Variants in TRABD2B observed in about 807,000 individuals in gnomAD.
The protein encoded by TRABD2B is metalloprotease TIKI2.
In TRABD2B, 14 loss-of-function variants were observed where a neutral mutation model predicts 40.1. That is an observed-to-expected ratio of 0.35 (90% CI 0.23 to 0.55). The LOEUF (loss-of-function observed/expected upper bound fraction) is 0.55, where lower values mean the gene tolerates loss of function less well. Ranked by LOEUF, TRABD2B falls within the 20% of genes least tolerant of loss-of-function variation. The pLI, the probability that TRABD2B is intolerant of heterozygous loss-of-function variation, is 0.90. For synonymous variants in TRABD2B, 263 were observed against 277.0 expected (o/e 0.95, Z 0.50); for missense variants, 541 against 648.6 (o/e 0.83, Z 1.80).
chr1:47,973,882 T>C (rs1247139247), intron 2 of TRABD2B, among the ~76,000 whole-genome samples: 1 of 152,156 alleles, frequency 6.6e-6, no homozygotes, highest in Non-Finnish European at 1.5e-5. Flanking sequence ...GGTGGGCCAA[T>C]AGCTTGAGCT....
At chr1:47,808,883 A>G (rs1934654) in intron 2 of TRABD2B, among the ~76,000 whole-genome samples, 110,074 of 152,024 alleles carry the variant, frequency 0.72, 40,423 homozygotes, top group East Asian at 0.98. Flanking sequence ...CCCAGGTTCT[A>G]AGCTGTCAGC....
At chr1:47,880,397 CT>C (rs537387768) in intron 2 of TRABD2B, among the ~76,000 whole-genome samples, 63 of 152,242 alleles carry the variant, frequency 4.1e-4, no homozygotes, top group African/African-American at 1.5e-3. Flanking sequence ...CAGTCAATTC[CT>C]TTTGGGTGAA....
At chr1:47,777,097 TG>T (rs1446090902) in intron 5 of TRABD2B, among the ~76,000 whole-genome samples, 1 of 152,142 alleles carries the variant, frequency 6.6e-6, no homozygotes, top group African/African-American at 2.4e-5. Context: ...CCCTAATGCC[TG>T]GGCTCTGAGA....
At chr1:47,916,649 C>T (rs1160596630) in intron 2 of TRABD2B, among the ~76,000 whole-genome samples, 1 of 152,210 alleles carries the variant, frequency 6.6e-6, no homozygotes, top group Non-Finnish European at 1.5e-5. Flanking sequence ...GGCTGAATGA[C>T]AAGAAAATCC....
chr1:47,841,169 C>T lies in TRABD2B; in HGVS notation c.667-39550G>A, dbSNP rs958435026. On this transcript the variant is annotated intron_variant, in intron 2 of 6. Transcript: ENST00000606738. ...TTAATCTCTCTCTGTGACTCTCTCT[C>T]CATAGCAGTAAAGCAGAGCCCCTGG... is the stretch of plus-strand genomic sequence containing the variant. Among the ~76,000 whole-genome samples, 2 of 152,188 alleles carry T rather than the reference C, an allele frequency of 1.3e-5. 1 individual carries two copies. Among genetic ancestry groups the T allele is most frequent in the African/African-American group, 4.8e-5 (2 of 41,442 alleles).
intron 2 of TRABD2B, among the ~76,000 whole-genome samples, chr1:47,875,358 G>T (rs1378731337): frequency 6.6e-6 from 1 of 151,192 alleles, no homozygotes; most frequent in Non-Finnish European, 1.5e-5. Context: ...AAGCTAAAAA[G>T]TCCTAGATTT....
At position 47,852,955 on chromosome 1, in the gene TRABD2B, G is replaced by C. The variant is rs116672992; in HGVS notation, c.667-51336C>G. Among the ~76,000 whole-genome samples, 675 of 152,022 alleles carry C rather than the reference G, an allele frequency of 4.4e-3. 6 individuals are homozygous for C. The highest frequency in any genetic ancestry group is 0.016 in the African/African-American group (662 of 41,444). ...TGAGTTCTCATATTCTCTTTGATTG[G>C]GTTTAAGAGTTTCACTTCCACGGCT... On this transcript the variant is annotated intron_variant, in intron 2 of 6. Coordinates refer to ENST00000606738, the MANE Select transcript of TRABD2B (RefSeq NM_001194986.2).
intron 2 of TRABD2B, among the ~76,000 whole-genome samples, chr1:47,987,819 G>A (rs1276010040): frequency 6.6e-5 from 10 of 152,174 alleles, no homozygotes; most frequent in African/African-American, 1.9e-4. Context: ...GAGACACAGC[G>A]GGTGTGGCAG....
chr1:47,806,732 G>A (rs1318416443), intron 2 of TRABD2B, among the ~76,000 whole-genome samples: 1 of 152,206 alleles, frequency 6.6e-6, no homozygotes, highest in Admixed American at 6.5e-5. Context: ...GGCGCCAGGA[G>A]GGTGGGAACA....
intron 6 of TRABD2B, among the ~76,000 whole-genome samples, chr1:47,773,725 T>A (rs1351062645): frequency 6.6e-6 from 1 of 152,188 alleles, no homozygotes; most frequent in Non-Finnish European, 1.5e-5. Context: ...AATTACCCAG[T>A]CTCGGGTATG....
rs1471215468 is a variant in TRABD2B, at chr1:47,996,498, C to T, written c.102+190G>A. Among the ~76,000 whole-genome samples the T allele has an allele frequency of 6.6e-6, 1 of 152,188 alleles. No homozygotes were observed. The highest frequency in any genetic ancestry group is 2.4e-5 in the African/African-American group (1 of 41,454). ...AGAAGGAACCGGAGAGGGAGCGCCC[C>T]TTCTCGCTCCTGGCTGGGAGCTGGA... is the stretch of plus-strand genomic sequence containing the variant. On this transcript the variant is annotated intron_variant, in intron 1 of 6. Transcript: ENST00000606738. This position sits in a 1 kb window ranked among gnomAD's most constrained non-coding sequence, Gnocchi z 4.6.
rs561592179 is a variant in TRABD2B, at chr1:47,994,606, G to A, written c.103-9C>T. 6 of 1,531,154 alleles carry A rather than the reference G, an allele frequency of 3.9e-6. No homozygotes were observed. The highest frequency in any genetic ancestry group is 2.4e-5 in the East Asian group (1 of 40,844). 94.8% of individuals were successfully genotyped at this position (1,531,154 alleles called of 1,614,324 possible). A position where few individuals can be genotyped will look rare whatever the true frequency, so the allele number is the denominator to read the frequency against. ...GAGTTCAAGTCCCTCTGCTGCAGGA[G>A]TAGAGAAGAGGCAAGGCAGTGAGGC... On this transcript the variant is annotated splice_polypyrimidine_tract_variant and intron_variant, in intron 1 of 6. Transcript: ENST00000606738. This position sits in a 1 kb window ranked among gnomAD's most constrained non-coding sequence, Gnocchi z 6.7.
At chr1:47,904,296 TG>T (rs1644645861) in intron 2 of TRABD2B, among the ~76,000 whole-genome samples, 1 of 151,876 alleles carries the variant, frequency 6.6e-6, no homozygotes, top group South Asian at 2.1e-4. Flanking sequence ...ATGGCTGGGA[TG>T]GGGGAAGCAC....
chr1:47,846,857 T>TATACACAC (rs374941615), intron 2 of TRABD2B, among the ~76,000 whole-genome samples: 5 of 106,394 alleles, frequency 4.7e-5, no homozygotes, highest in South Asian at 2.7e-4. Flanking sequence ...AAAACATGCA[T>TATACACAC]ACACACACAC....
At chr1:47,855,749 C>T (rs1229194875) in intron 2 of TRABD2B, among the ~76,000 whole-genome samples, 1 of 152,192 alleles carries the variant, frequency 6.6e-6, no homozygotes, top group African/African-American at 2.4e-5. Flanking sequence ...AGTGCCCTTA[C>T]AGGGAAAGAC....
chr1:47,997,018 CG>C lies in TRABD2B; in HGVS notation c.-230del. On this transcript the variant is annotated 5_prime_UTR_variant, in exon 1 of 7. Transcript: ENST00000606738. ...ACCCTCTAGGGCTGGGCCCCTCCCCCGGGCGCTCAACCTCGCTGGCCGAGCC... is the reference window on the plus strand; with the variant it reads ...ACCCTCTAGGGCTGGGCCCCTCCCCCGGCGCTCAACCTCGCTGGCCGAGCC... The C allele has an allele frequency of 9.3e-7, 1 of 1,070,006 alleles. No homozygotes were observed. Among genetic ancestry groups the C allele is most frequent in the Non-Finnish European group, 1.1e-6 (1 of 885,888 alleles). The allele number at this position is 1,070,006 out of a possible 1,614,324, so 66.3% of individuals were successfully genotyped here. A position where few individuals can be genotyped will look rare whatever the true frequency, so the allele number is the denominator to read the frequency against.
intron 2 of TRABD2B, among the ~76,000 whole-genome samples, chr1:47,845,492 G>A (rs1254405622): frequency 1.3e-5 from 2 of 152,178 alleles, no homozygotes; most frequent in African/African-American, 4.8e-5. Flanking sequence ...AGGAGACTGA[G>A]GCACAGAGAG....
intron 2 of TRABD2B, among the ~76,000 whole-genome samples, chr1:47,808,078 CTT>C (rs1360142374): frequency 6.6e-6 from 1 of 152,178 alleles, no homozygotes. Context: ...AATCAGTAGG[CTT>C]TGAGATGCAG....
intron 2 of TRABD2B, among the ~76,000 whole-genome samples, chr1:47,965,730 G>A (rs1445783823): frequency 6.6e-6 from 1 of 152,182 alleles, no homozygotes; most frequent in Non-Finnish European, 1.5e-5. Flanking sequence ...ATCTGGCGTT[G>A]TTTTAAGTCT....
Sources: gnomAD v4.1 joint callset for allele counts (sites outside exome capture counted in the v4.1 genomes callset) on GRCh38, gnomAD v4.1.1 for gene constraint, Gnocchi (gnomAD v3.1) non-coding constraint, MANE v1.5 for transcripts, NCBI Gene and HGNC (gene_info 2026-07-23, HGNC 2026-07-21) for gene names.